ADAMTS19: variants seen among roughly 807,000 people sequenced by gnomAD.
ADAMTS19 encodes the protein ADAM metallopeptidase with thrombospondin type 1 motif 19.
Under a neutral mutation model 153.3 loss-of-function variants are expected in ADAMTS19, and 93 were observed. The ratio of observed to expected loss-of-function variants is 0.61; its 90% CI spans 0.51 to 0.72. The LOEUF (loss-of-function observed/expected upper bound fraction) is 0.72, where lower values mean the gene tolerates loss of function less well. Among genes scored for constraint, ADAMTS19 ranks in the 30% least tolerant of loss-of-function variants. The pLI is 0.00. For synonymous variants in ADAMTS19, 600 were observed against 556.6 expected (o/e 1.08, Z -1.10); for missense variants, 1,482 against 1,552.1 (o/e 0.95, Z 0.76).
At position 129,493,333 on chromosome 5, in the gene ADAMTS19, C is replaced by T. The variant is rs78565419; in HGVS notation, c.748-15744C>T. ...CTGGCCAAGAATGATCATGATTCCA[C>T]GCCCGTTTCTCTACTTGTTTTTATT... On this transcript the variant is annotated intron_variant, in intron 2 of 22. Transcript: ENST00000274487. Among the ~76,000 whole-genome samples, 30 of 151,960 alleles carry T rather than the reference C, an allele frequency of 2.0e-4. 1 individual carries two copies. In the South Asian group the frequency reaches 2.1e-3, roughly 11 times the overall value.
chr5:129,733,157 C>T (rs1432766469), intron 21 of ADAMTS19, among the ~76,000 whole-genome samples: 1 of 152,032 alleles, frequency 6.6e-6, no homozygotes, highest in Non-Finnish European at 1.5e-5. Flanking sequence ...CAAAAATTTA[C>T]TCAAGGTGGA....
chr5:129,725,048 G>A (rs930950171), intron 21 of ADAMTS19, among the ~76,000 whole-genome samples: 1 of 152,082 alleles, frequency 6.6e-6, no homozygotes, highest in African/African-American at 2.4e-5. Context: ...CAATTTTACA[G>A]GCTGCTCTTT....
chr5:129,608,116 G>GTGTGTGTGTATATATATATATA (rs377008786), intron 8 of ADAMTS19, among the ~76,000 whole-genome samples: 81 of 47,930 alleles, frequency 1.7e-3, no homozygotes, highest in Non-Finnish European at 3.1e-3. Context: ...GTGTGTGTGT[G>GTGTGTGTGTATATATATATATA]TATATATATA....
intron 16 of ADAMTS19, among the ~76,000 whole-genome samples, chr5:129,678,379 C>T (rs914516330): frequency 5.3e-5 from 8 of 152,062 alleles, no homozygotes; most frequent in Admixed American, 5.2e-4. Context: ...CTCTGCCACG[C>T]AAGTGTCAGC....
At chr5:129,498,839 GC>G (rs1242147914) in intron 2 of ADAMTS19, among the ~76,000 whole-genome samples, 1 of 128,948 alleles carries the variant, frequency 7.8e-6, no homozygotes, top group Non-Finnish European at 1.7e-5. Context: ...CTTTAATACT[GC>G]TTTTTACAAT....
intron 15 of ADAMTS19, among the ~76,000 whole-genome samples, chr5:129,661,938 T>G (rs747212272): frequency 1.3e-4 from 20 of 152,200 alleles, no homozygotes; most frequent in Non-Finnish European, 2.4e-4. Context: ...TGCAGTGAAT[T>G]ATAGCAGGAA....
intron 21 of ADAMTS19, among the ~76,000 whole-genome samples, chr5:129,712,823 ATCTC>A (rs1218196418): frequency 1.3e-5 from 2 of 152,158 alleles, no homozygotes; most frequent in Admixed American, 1.3e-4. Context: ...CTGAGATAGT[ATCTC>A]TCTCTCTTTC....
intron 16 of ADAMTS19, among the ~76,000 whole-genome samples, chr5:129,676,494 G>T (rs1218618630): frequency 6.6e-6 from 1 of 152,012 alleles, no homozygotes; most frequent in East Asian, 1.9e-4. Context: ...CTCTGTGTGG[G>T]TTCTACCTCC....
intron 2 of ADAMTS19, among the ~76,000 whole-genome samples, chr5:129,504,860 TACACACACACAGAC>T (rs1238656282): frequency 1.0e-5 from 1 of 95,754 alleles, no homozygotes; most frequent in Non-Finnish European, 2.0e-5. Flanking sequence ...GTATTCTGTC[TACACACACACAGAC>T]ACACACACAC....
intron 11 of ADAMTS19, among the ~76,000 whole-genome samples, chr5:129,646,010 T>A (rs1434319334): frequency 6.9e-6 from 1 of 145,260 alleles, no homozygotes; most frequent in Admixed American, 7.0e-5. Flanking sequence ...TGCCTCAGCC[T>A]CCCAAGTAGC....
In ADAMTS19 at chr5:129,614,426, G is replaced by A. The variant is rs532789590; in HGVS notation, c.1479-6192G>A. Among the ~76,000 whole-genome samples the A allele has an allele frequency of 2.5e-3, 380 of 152,134 alleles. 1 individual carries two copies. Among genetic ancestry groups the A allele is most frequent in the African/African-American group, 8.9e-3 (370 of 41,512 alleles). On this transcript the variant is annotated intron_variant, in intron 8 of 22. Coordinates refer to ENST00000274487, the MANE Select transcript of ADAMTS19 (RefSeq NM_133638.6). ...AATCCAGCATATAAACAGAACCAAAGACAAAAACCACATGATTATCTCAAT... is the reference window on the plus strand; with the variant it reads ...AATCCAGCATATAAACAGAACCAAAAACAAAAACCACATGATTATCTCAAT...
intron 21 of ADAMTS19, among the ~76,000 whole-genome samples, chr5:129,710,176 T>C (rs1043116692): frequency 6.6e-6 from 1 of 152,154 alleles, no homozygotes; most frequent in East Asian, 1.9e-4. Flanking sequence ...CCCTGGTCCA[T>C]GTGTTCTCAT....
chr5:129,710,055 C>T (rs114451638), intron 21 of ADAMTS19, among the ~76,000 whole-genome samples: 1,997 of 151,862 alleles, frequency 0.013, 17 homozygotes, highest in African/African-American at 0.019. Context: ...ACTGGTTTGC[C>T]GCACTATCAG....
chr5:129,734,921 A>G lies in ADAMTS19; in HGVS notation c.3313-11A>G, dbSNP rs768354894. 1 of 1,546,634 alleles carries G rather than the reference A, an allele frequency of 6.5e-7. No homozygotes were observed. The highest frequency in any genetic ancestry group is 2.1e-5 in the Admixed American group (1 of 47,050). On this transcript the variant is annotated splice_polypyrimidine_tract_variant and intron_variant, in intron 21 of 22. Coordinates refer to ENST00000274487, the MANE Select transcript of ADAMTS19 (RefSeq NM_133638.6). ...AAAAAAGAACCTAAACAAACCTTGTATTTCTCCTAGTGCTCAATTACCTGT... is the reference window on the plus strand; with the variant it reads ...AAAAAAGAACCTAAACAAACCTTGTGTTTCTCCTAGTGCTCAATTACCTGT...
chr5:129,507,357 T>A (rs1751298324), intron 2 of ADAMTS19, among the ~76,000 whole-genome samples: 1 of 152,044 alleles, frequency 6.6e-6, no homozygotes, highest in Non-Finnish European at 1.5e-5. Flanking sequence ...TATGTGTAGA[T>A]GTACTACATC....
Position 129,570,687 on chromosome 5 carries a change from C to A in ADAMTS19, c.1372+18780C>A, listed in dbSNP as rs76662146. 4.4e-3 allele frequency among the ~76,000 whole-genome samples: 660 copies of A among 151,290 alleles called. 4 individuals are homozygous for A. Among genetic ancestry groups the A allele is most frequent in the East Asian group, 0.026 (134 of 5,144 alleles). ...TCATGAACATAAAAACAAGTATTAG[C>A]AAATTGAATTGAGAAATATACGAAT... is the stretch of plus-strand genomic sequence containing the variant. On this transcript the variant is annotated intron_variant, in intron 7 of 22. Coordinates refer to ENST00000274487, the MANE Select transcript of ADAMTS19 (RefSeq NM_133638.6).
chr5:129,684,260 C>T lies in ADAMTS19; in HGVS notation c.2805C>T (p.Ala935=). ...WTHTSWEDCD[A]TCGGGERKTT... ...ACACAAGCTGGGAAGATTGCGATGC[C>T]ACTTGTGGAGGAGGTGAAGGATTTT... is the stretch of plus-strand genomic sequence containing the variant. Residue 935 remains alanine (A), a synonymous_variant, in exon 18 of 23, where the codon GCC becomes GCT. Transcript: ENST00000274487. 6.2e-7 allele frequency: 1 copy of T among 1,613,990 alleles called. No individual in the cohort carries two copies. The highest frequency in any genetic ancestry group is 8.5e-7 in the Non-Finnish European group (1 of 1,179,958).
At chr5:129,460,604 A>C in intron 1 of ADAMTS19, 122 bp downstream of exon 1, 1 of 1,090,704 alleles carries the variant, frequency 9.2e-7, no homozygotes, top group Non-Finnish European at 1.4e-6. Flanking sequence ...GGTAGCAATA[A>C]AAATGAGCTT....
chr5:129,511,716 G>A (rs1310819155), intron 3 of ADAMTS19, among the ~76,000 whole-genome samples: 3 of 151,208 alleles, frequency 2.0e-5, no homozygotes, highest in Non-Finnish European at 4.4e-5. Flanking sequence ...CAGAGTCCAG[G>A]TTGAGATAAT....
Sources: allele counts gnomAD v4.1 joint callset (sites outside exome capture counted in the v4.1 genomes callset), GRCh38; gene constraint gnomAD v4.1.1; transcripts MANE v1.5; gene names NCBI Gene and HGNC (gene_info 2026-07-23, HGNC 2026-07-21).